Variants in EOLA1 observed in about 807,000 individuals in gnomAD.
EOLA1 encodes the protein endothelium and lymphocyte associated ASCH domain 1.
EOLA1 carries 1 observed loss-of-function variant against 4.5 expected under a neutral mutation model. The observed-to-expected ratio is 0.22, with a 90% CI of 0.08 to 1.05. The LOEUF (loss-of-function observed/expected upper bound fraction) is 1.05, where lower values mean the gene tolerates loss of function less well. Among genes scored for constraint, EOLA1 ranks in the 50% least tolerant of loss-of-function variants. The pLI is 0.57. For missense variants in EOLA1, 69 were observed against 127.2 expected (o/e 0.54, Z 2.20); for synonymous variants, 37 against 52.3 (o/e 0.71, Z 1.26).
intron 2 of EOLA1, chrX:149,544,949 G>T: frequency 1.3e-6 from 1 of 750,989 alleles, no homozygotes; most frequent in Non-Finnish European, 1.6e-6. Flanking sequence ...TGGGACAGGG[G>T]CATCTGCTGA....
Position 149,547,605 on chromosome X carries a change from A to G in EOLA1, c.*643A>G, listed in dbSNP as rs2089873426. On this transcript the variant is annotated 3_prime_UTR_variant, in exon 5 of 5. Transcript: ENST00000393985. ...CAGCTACTTCCTATCCTAGCAATAC[A>G]TCCAAAATACAGCTCTAGTAGAGTG... 1 of 198,644 alleles carries G rather than the reference A, an allele frequency of 5.0e-6. No homozygotes were observed. The highest frequency in any genetic ancestry group is 7.1e-6 in the Non-Finnish European group (1 of 141,664). 16.4% of individuals were successfully genotyped at this position (198,644 alleles called of 1,213,427 possible). A position where few individuals can be genotyped will look rare whatever the true frequency, so the allele number is the denominator to read the frequency against.
rs781914229 is a variant in EOLA1 at position 149,546,779 on chromosome X, C to T, written c.294C>T (p.Asp98=). Residue 98 remains aspartate, a synonymous_variant, in exon 5 of 5, where the codon GAC becomes GAT. Transcript: ENST00000393985. ...GGGAAACTTTGCAATGCCCCGAAGACTTAACTCCCGATGAGGTTGTGGAAC... is the reference window on the plus strand; with the variant it reads ...GGGAAACTTTGCAATGCCCCGAAGATTTAACTCCCGATGAGGTTGTGGAAC... ...DIGETLQCPE[D]LTPDEVVELE... 7.4e-6 allele frequency: 9 copies of T among 1,210,555 alleles called. No homozygotes were observed. The South Asian group carries it at 1.6e-4, about 21-fold the overall frequency.
intron 2 of EOLA1, 80 bp downstream of exon 2, chrX:149,542,165 G>A (rs782042519): frequency 1.0e-4 from 39 of 373,865 alleles, no homozygotes; most frequent in Middle Eastern, 1.5e-3. Context: ...CACAGTTGGC[G>A]TCTGTTGTGA....
chrX:149,545,426 C>A lies in EOLA1; in HGVS notation c.-104C>A, dbSNP rs1326355017. On this transcript the variant is annotated 5_prime_UTR_variant, in exon 3 of 5. Transcript: ENST00000393985. ...CTCCATGGGATGGACCTGAGTCAGCCGAATCCCAGCCCCTTCCCTTGGGCC... is the reference window on the plus strand; with the variant it reads ...CTCCATGGGATGGACCTGAGTCAGCAGAATCCCAGCCCCTTCCCTTGGGCC... 2 of 1,084,517 alleles carry A rather than the reference C, an allele frequency of 1.8e-6. No individual in the cohort carries two copies. The highest frequency in any genetic ancestry group is 6.7e-5 in the East Asian group (2 of 29,905). 89.4% of individuals were successfully genotyped at this position (1,084,517 alleles called of 1,213,427 possible). A position where few individuals can be genotyped will look rare whatever the true frequency, so the allele number is the denominator to read the frequency against.
At chrX:149,548,346 T>G (rs195221), downstream of EOLA1, 70 of 931,895 alleles carry the variant, frequency 7.5e-5, no homozygotes, top group African/African-American at 3.1e-4. Context: ...TTTGCAGTGT[T>G]TCTGAACTGT....
chrX:149,541,036 C>T lies in EOLA1; in HGVS notation c.-537C>T, dbSNP rs1485656970. ...CGGAAGAGTTATAGACCGCTAACAC[C>T]TGTCACTGGCCACTGGTTTCCCGGA... On this transcript the variant is annotated 5_prime_UTR_variant, in exon 1 of 5. Transcript: ENST00000393985. The T allele has an allele frequency of 1.8e-5, 2 of 112,882 alleles. No homozygotes were observed. Among genetic ancestry groups the T allele is most frequent in the African/African-American group, 3.2e-5 (1 of 31,061 alleles). The allele number at this position is 112,882 out of a possible 1,213,427, so 9.3% of individuals were successfully genotyped here.
downstream of EOLA1, chrX:149,549,445 A>G (rs1293732907): frequency 3.4e-6 from 4 of 1,162,018 alleles, no homozygotes; most frequent in Admixed American, 1.0e-4. Context: ...GGCGAATGAA[A>G]CTCGTCAAGC....
In EOLA1 at chrX:149,545,732, G is replaced by T; in HGVS notation, c.102G>T (p.Gln34His). Reference sequence around the variant, plus strand: ...GCTGGCGTCCCCTGCTGAGCAGCCAGCGGAACTGTACCATCGCCGTCCACA... The same window carrying T: ...GCTGGCGTCCCCTGCTGAGCAGCCATCGGAACTGTACCATCGCCGTCCACA... ...ETRWRPLLSS[Q>H]RNCTIAVHIA... The change falls in exon 4 of 5, where the codon CAG (glutamine) becomes CAT (histidine). Residue 34 changes from glutamine to histidine, a missense_variant. Coordinates refer to ENST00000393985, the MANE Select transcript of EOLA1 (RefSeq NM_001171907.3). 8.2e-7 allele frequency: 1 copy of T among 1,212,190 alleles called. No individual in the cohort carries two copies. The highest frequency in any genetic ancestry group is 1.1e-6 in the Non-Finnish European group (1 of 895,481).
chrX:149,545,906 C>T (rs2089834805), intron 4 of EOLA1, 23 bp downstream of exon 4: 7 of 1,189,461 alleles, frequency 5.9e-6, no homozygotes, highest in Non-Finnish European at 8.0e-6. Context: ...GTACCAAATG[C>T]GCAGACAACG....
At position 149,548,284 on chromosome X, in the gene EOLA1, C is replaced by T. The variant is rs2089885819; in HGVS notation, c.*1322C>T. On this transcript the variant is annotated 3_prime_UTR_variant, in exon 5 of 5. Coordinates refer to ENST00000393985, the MANE Select transcript of EOLA1 (RefSeq NM_001171907.3). ...TTATTAAGACCAAAAATGTGTTTCT[C>T]ATTAAAAAATGGCAACTTTTATGGG... is the stretch of plus-strand genomic sequence containing the variant. 3 of 855,238 alleles carry T rather than the reference C, an allele frequency of 3.5e-6. No individual in the cohort carries two copies. Among genetic ancestry groups the T allele is most frequent in the East Asian group, 8.5e-5 (2 of 23,643 alleles). 70.5% of individuals were successfully genotyped at this position (855,238 alleles called of 1,213,427 possible). A position where few individuals can be genotyped will look rare whatever the true frequency, so the allele number is the denominator to read the frequency against.
chrX:149,542,616 G>A (rs1212057384), intron 2 of EOLA1, among the ~76,000 whole-genome samples: 2 of 104,853 alleles, frequency 1.9e-5, no homozygotes, highest in Admixed American at 1.0e-4. Flanking sequence ...ATTATGAGAC[G>A]ACCAACAATG....
chrX:149,546,829 A>G lies in EOLA1; in HGVS notation c.344A>G (p.Asn115Ser). The change falls in exon 5 of 5, where the codon AAC (asparagine) becomes AGC (serine). Residue 115 changes from asparagine to serine, a missense_variant. Transcript: ENST00000393985. ...VELENQAVLT[N>S]LKQKYLTVIS... The stretch of plus-strand genomic sequence containing the variant: ...CTAGAAAATCAAGCTGTACTGACCA[A>G]CCTGAAGCAGAAGTACCTGACTGTG... The G allele has an allele frequency of 8.3e-6, 10 of 1,211,438 alleles. No homozygotes were observed. Among genetic ancestry groups the G allele is most frequent in the Non-Finnish European group, 1.0e-5 (9 of 895,356 alleles).
At chrX:149,548,412 A>C (rs2089887626), downstream of EOLA1, 1 of 932,293 alleles carries the variant, frequency 1.1e-6, no homozygotes, top group African/African-American at 2.1e-5. Flanking sequence ...TCATCGTCAG[A>C]GGGCTCATTT....
At chrX:149,544,398 G>A (rs2089793768) in intron 2 of EOLA1, 3 of 225,646 alleles carry the variant, frequency 1.3e-5, no homozygotes, top group Non-Finnish European at 1.9e-5. Flanking sequence ...ACTAGAGGTT[G>A]CGTTTATGTG....
upstream of EOLA1, chrX:149,540,608 G>T: frequency 1.6e-5 from 1 of 63,413 alleles, no homozygotes. Flanking sequence ...CCCCTCCCCA[G>T]CGGTTTCTCC....
chrX:149,549,404 C>A (rs1241954129), downstream of EOLA1: 1 of 1,161,227 alleles, frequency 8.6e-7, no homozygotes, highest in African/African-American at 1.8e-5. Flanking sequence ...GTTGCTTGGG[C>A]GTGTTTTGCA....
rs2124157851 is a variant in EOLA1, at chrX:149,547,345, C to G, written c.*383C>G. 1 of 763,072 alleles carries G rather than the reference C, an allele frequency of 1.3e-6. No homozygotes were observed. Among genetic ancestry groups the G allele is most frequent in the East Asian group, 1.0e-4 (1 of 10,020 alleles). The allele number at this position is 763,072 out of a possible 1,213,427, so 62.9% of individuals were successfully genotyped here. On this transcript the variant is annotated 3_prime_UTR_variant, in exon 5 of 5. Transcript: ENST00000393985. ...TTTGAGGCTTTGTTCTATGTTTTCC[C>G]CTGATTTGTTCTGGTCAAAACTCAT...
intron 2 of EOLA1, chrX:149,545,015 G>A: frequency 2.9e-6 from 2 of 695,385 alleles, no homozygotes; most frequent in Non-Finnish European, 3.4e-6. Flanking sequence ...CCAGAGGGGT[G>A]GAGAGGAGAT....
At chrX:149,545,984 C>T in intron 4 of EOLA1, 101 bp downstream of exon 4, 8 of 914,068 alleles carry the variant, frequency 8.8e-6, no homozygotes, top group Non-Finnish European at 1.2e-5. Context: ...AACTGATTGG[C>T]GTGTATAACA....
Sources: allele counts gnomAD v4.1 joint callset (sites outside exome capture counted in the v4.1 genomes callset), GRCh38; gene constraint gnomAD v4.1.1; transcripts MANE v1.5; gene names NCBI Gene and HGNC (gene_info 2026-07-23, HGNC 2026-07-21).